The following NR3C2 variants were observed in gnomAD, a reference collection of about 807,000 sequenced individuals.
NR3C2 encodes nuclear receptor subfamily 3 group C member 2.
NR3C2 carries 15 observed loss-of-function variants against 86.4 expected under a neutral mutation model. The ratio of observed to expected loss-of-function variants is 0.17; its 90% CI spans 0.12 to 0.27. The LOEUF (loss-of-function observed/expected upper bound fraction) is 0.27. Ranked by LOEUF, NR3C2 falls within the 10% of genes least tolerant of loss-of-function variation. The pLI, the probability that NR3C2 is intolerant of heterozygous loss-of-function variation, is 1.00. For missense variants in NR3C2, 960 were observed against 1,195.6 expected (o/e 0.80, Z 2.91); for synonymous variants, 458 against 450.5 (o/e 1.02, Z -0.21).
chr4:148,369,951 G>A (rs1490493926), intron 2 of NR3C2, among the ~76,000 whole-genome samples: 1 of 152,220 alleles, frequency 6.6e-6, no homozygotes, highest in African/African-American at 2.4e-5. Flanking sequence ...GGAACCAAGT[G>A]CCACCTTTTT....
intron 1 of NR3C2, among the ~76,000 whole-genome samples, chr4:148,441,883 G>C (rs1750359657): frequency 6.6e-6 from 1 of 152,196 alleles, no homozygotes; most frequent in Non-Finnish European, 1.5e-5. Context: ...TTCATCTTTG[G>C]GTAAAGGGAA....
chr4:148,194,746 C>T lies in NR3C2; in HGVS notation c.2014G>A (p.Ala672Thr). The T allele has an allele frequency of 6.3e-7, 1 of 1,596,040 alleles. No homozygotes were observed. Among genetic ancestry groups the T allele is most frequent in the East Asian group, 2.2e-5 (1 of 44,728 alleles). The change falls in exon 4 of 9, where the codon GCA (alanine) becomes ACA (threonine). Residue 672 changes from alanine (A) to threonine (T), a missense_variant and splice_region_variant. Ala to Thr is a moderately conservative substitution (Grantham distance 58). Coordinates refer to ENST00000358102, the MANE Select transcript of NR3C2 (RefSeq NM_000901.5). ...ATTAAACTAAAAATACAAAACTTAC[C>T]TCCTAAATTCATTCCAGCTTGAAGA... The part of the protein sequence containing the change: ...KCLQAGMNLG[A>T]RKSKKLGKLK...
intron 2 of NR3C2, among the ~76,000 whole-genome samples, chr4:148,396,607 T>C (rs754508408): frequency 2.2e-4 from 33 of 152,308 alleles, no homozygotes; most frequent in Non-Finnish European, 2.5e-4. Flanking sequence ...CTTCATACCA[T>C]GACTTGGGAT....
intron 2 of NR3C2, among the ~76,000 whole-genome samples, chr4:148,373,507 C>T (rs1432380864): frequency 1.4e-5 from 2 of 141,122 alleles, no homozygotes; most frequent in African/African-American, 5.6e-5. Flanking sequence ...TGGAGTCTCG[C>T]TCTGTCACCC....
intron 2 of NR3C2, among the ~76,000 whole-genome samples, chr4:148,266,357 C>A (rs1360598635): frequency 6.6e-6 from 1 of 152,068 alleles, no homozygotes; most frequent in Non-Finnish European, 1.5e-5. Context: ...AGGCGTGAGC[C>A]ACTGCACCCG....
At chr4:148,386,348 T>C (rs577497368) in intron 2 of NR3C2, among the ~76,000 whole-genome samples, 3 of 152,188 alleles carry the variant, frequency 2.0e-5, no homozygotes, top group African/African-American at 7.2e-5. Context: ...GTAACATTCC[T>C]GAAAACGAGC....
chr4:148,208,720 C>G (rs1737129093), intron 3 of NR3C2: 1 of 152,248 alleles, frequency 6.6e-6, no homozygotes, highest in Non-Finnish European at 1.5e-5. Context: ...GACACCTGTA[C>G]CCATACTCCA....
At chr4:148,442,805 C>T, upstream of NR3C2, 1 of 985,460 alleles carries the variant, frequency 1.0e-6, no homozygotes, top group Non-Finnish European at 1.2e-6. Flanking sequence ...CCACCCCCAT[C>T]GCTCGGCCGC....
At chr4:148,132,997 A>G (rs1733104730) in intron 6 of NR3C2, among the ~76,000 whole-genome samples, 1 of 152,100 alleles carries the variant, frequency 6.6e-6, no homozygotes, top group Admixed American at 6.6e-5. Flanking sequence ...CCAGGGGTTC[A>G]AGATCAGCCT....
intron 3 of NR3C2, among the ~76,000 whole-genome samples, chr4:148,242,839 C>T (rs763890559): frequency 6.6e-6 from 1 of 152,084 alleles, no homozygotes; most frequent in Non-Finnish European, 1.5e-5. Context: ...GAACTGCTAT[C>T]ACATTAAGCT....
intron 2 of NR3C2, among the ~76,000 whole-genome samples, chr4:148,302,823 G>A (rs888091180): frequency 2.1e-5 from 3 of 142,812 alleles, no homozygotes; most frequent in African/African-American, 2.7e-5. Context: ...TCCAGCCTGG[G>A]CTACAAGAGC....
intron 4 of NR3C2, among the ~76,000 whole-genome samples, chr4:148,193,669 T>C (rs1322936835): frequency 1.3e-5 from 2 of 152,204 alleles, no homozygotes; most frequent in Non-Finnish European, 2.9e-5. Flanking sequence ...AAACCAAATG[T>C]TTTCAATTCA....
intron 2 of NR3C2, among the ~76,000 whole-genome samples, chr4:148,278,783 C>T (rs1304471329): frequency 1.3e-5 from 2 of 151,936 alleles, no homozygotes; most frequent in Non-Finnish European, 2.9e-5. Context: ...TTAACATATG[C>T]AGACTACTAT....
At chr4:148,157,095 GA>G (rs1734430927) in intron 4 of NR3C2, among the ~76,000 whole-genome samples, 1 of 139,792 alleles carries the variant, frequency 7.2e-6, no homozygotes, top group African/African-American at 2.7e-5. Flanking sequence ...CATAGATGGG[GA>G]CTGAACAATG....
In NR3C2 at chr4:148,102,311, GC is replaced by G. The variant is rs562230064; in HGVS notation, c.2799+11792del. On this transcript the variant is annotated intron_variant, in intron 8 of 8. Coordinates refer to ENST00000358102, the MANE Select transcript of NR3C2 (RefSeq NM_000901.5). Reference sequence around the variant, plus strand: ...CTTCAGTGACCACTCACATGCTGCCGCCTCCCACATCTGCAGCAGCAGGCTG... The same window carrying G: ...CTTCAGTGACCACTCACATGCTGCCGCTCCCACATCTGCAGCAGCAGGCTG... 7.8e-3 allele frequency among the ~76,000 whole-genome samples: 1,192 copies of G among 152,238 alleles called. 8 individuals carry two copies. Among genetic ancestry groups the G allele is most frequent in the Non-Finnish European group, 0.012 (849 of 68,006 alleles).
chr4:148,340,509 T>C (rs1744700020), intron 2 of NR3C2, among the ~76,000 whole-genome samples: 1 of 152,152 alleles, frequency 6.6e-6, no homozygotes, highest in Non-Finnish European at 1.5e-5. Context: ...AACTTAAATC[T>C]AAGACCTGAA....
At chr4:148,242,878 GTCAAA>G (rs1739128442) in intron 3 of NR3C2, among the ~76,000 whole-genome samples, 1 of 152,106 alleles carries the variant, frequency 6.6e-6, no homozygotes, top group Admixed American at 6.6e-5. Context: ...AAGACATTTT[GTCAAA>G]TCAAAAGTTT....
At chr4:148,400,334 C>A (rs1748081517) in intron 2 of NR3C2, among the ~76,000 whole-genome samples, 1 of 152,158 alleles carries the variant, frequency 6.6e-6, no homozygotes, top group Non-Finnish European at 1.5e-5. Context: ...ATAGTTGTGG[C>A]TTGGGAAGTA....
At chr4:148,142,891 G>A (rs987272751) in intron 6 of NR3C2, among the ~76,000 whole-genome samples, 12 of 152,224 alleles carry the variant, frequency 7.9e-5, no homozygotes, top group Middle Eastern at 3.4e-3. Context: ...AGTGTGTGGC[G>A]CATCCCCCTC....
Sources: allele counts gnomAD v4.1 joint callset (sites outside exome capture counted in the v4.1 genomes callset), GRCh38; gene constraint gnomAD v4.1.1; transcripts MANE v1.5; gene names NCBI Gene and HGNC (gene_info 2026-07-23, HGNC 2026-07-21).